Variants in NSUN7 observed in about 807,000 individuals in gnomAD.
The protein encoded by NSUN7 is NOP2/Sun RNA methyltransferase family member 7, also known as protein NSUN7.
A neutral mutation model predicts 58.5 loss-of-function variants in NSUN7; 39 were observed. The ratio of observed to expected loss-of-function variants is 0.67; its 90% CI spans 0.52 to 0.87. The LOEUF (loss-of-function observed/expected upper bound fraction) is 0.87. Ranked by LOEUF, NSUN7 falls within the 40% of genes least tolerant of loss-of-function variation. The pLI, the probability that NSUN7 is intolerant of heterozygous loss-of-function variation, is 0.00. For missense variants in NSUN7, 765 were observed against 844.1 expected (o/e 0.91, Z 1.16); for synonymous variants, 278 against 303.7 (o/e 0.92, Z 0.88).
intron 7 of NSUN7, among the ~76,000 whole-genome samples, chr4:40,785,311 C>A (rs1742758193): frequency 6.6e-6 from 1 of 151,426 alleles, no homozygotes; most frequent in African/African-American, 2.4e-5. Flanking sequence ...TGGAATCAAG[C>A]AAGAAATCAG....
Position 40,764,395 on chromosome 4 carries a change from C to T in NSUN7, c.488+3094C>T, listed in dbSNP as rs1741611422. On this transcript the variant is annotated intron_variant, in intron 4 of 11. Transcript: ENST00000381782. ...ATTTCCAATTTCATCCATGTCCCTA[C>T]AAAGAACATGAACTCATCATTTTTT... Among the ~76,000 whole-genome samples, 3 of 151,890 alleles carry T rather than the reference C, an allele frequency of 2.0e-5. No homozygotes were observed. The South Asian group carries it at 6.2e-4, about 32-fold the overall frequency.
At chr4:40,757,607 T>TAC (rs530766216) in intron 2 of NSUN7, among the ~76,000 whole-genome samples, 2 of 145,656 alleles carry the variant, frequency 1.4e-5, no homozygotes, top group Non-Finnish European at 1.5e-5. Context: ...TGTATATATA[T>TAC]ACATTGTGTG....
At chr4:40,791,337 A>G (rs1743065254) in intron 8 of NSUN7, among the ~76,000 whole-genome samples, 1 of 152,196 alleles carries the variant, frequency 6.6e-6, no homozygotes, top group Admixed American at 6.5e-5. Flanking sequence ...ATTTAACATT[A>G]ACATTTATTG....
At chr4:40,807,468 C>T (rs1011647395) in intron 11 of NSUN7, among the ~76,000 whole-genome samples, 12 of 151,860 alleles carry the variant, frequency 7.9e-5, no homozygotes, top group Middle Eastern at 3.2e-3. Flanking sequence ...CTGACTCAGC[C>T]TCAACCTAGT....
chr4:40,760,744 C>G (rs1741414910), intron 3 of NSUN7, among the ~76,000 whole-genome samples: 1 of 151,632 alleles, frequency 6.6e-6, no homozygotes, highest in South Asian at 2.1e-4. Flanking sequence ...GCCTGTAATC[C>G]CAGCTACTTG....
intron 7 of NSUN7, among the ~76,000 whole-genome samples, chr4:40,783,060 T>C (rs1445092376): frequency 2.0e-5 from 3 of 152,118 alleles, no homozygotes; most frequent in Non-Finnish European, 4.4e-5. Flanking sequence ...CCAGAATAGC[T>C]AAATGAGTCA....
intron 7 of NSUN7, among the ~76,000 whole-genome samples, chr4:40,776,761 T>C (rs1275404239): frequency 6.6e-5 from 10 of 152,006 alleles, no homozygotes. Context: ...GACTACAGGC[T>C]CATGCCACTA....
Position 40,808,856 on chromosome 4 carries a change from A to ACAC in NSUN7, c.2075_2077dup (p.Thr692_His693insPro). On this transcript the variant is annotated inframe_insertion, in exon 12 of 12. Transcript: ENST00000381782. ...GGCACTTGTGCCCACCTGCCTTCCC[A>ACAC]CACACTCACTATCCAGAAAAGAGGA... is the stretch of plus-strand genomic sequence containing the variant. The ACAC allele has an allele frequency of 1.3e-6, 2 of 1,548,712 alleles. No homozygotes were observed. Among genetic ancestry groups the ACAC allele is most frequent in the South Asian group, 2.4e-5 (2 of 83,960 alleles).
At chr4:40,766,505 C>T (rs1320843279) in intron 4 of NSUN7, among the ~76,000 whole-genome samples, 67 of 152,088 alleles carry the variant, frequency 4.4e-4, no homozygotes, top group African/African-American at 1.3e-3. Context: ...TGAGGATTTT[C>T]GCATCAATGT....
chr4:40,752,930 C>A (rs528323248), intron 2 of NSUN7, among the ~76,000 whole-genome samples: 84 of 103,686 alleles, frequency 8.1e-4, no homozygotes, highest in Middle Eastern at 6.0e-3. Flanking sequence ...TTTATTTCAT[C>A]CATCTTCTTC....
Position 40,799,073 on chromosome 4 carries a change from C to CTTTTTTTTTTTTTTT in NSUN7, c.1400+184_1400+198dup, listed in dbSNP as rs761448412. On this transcript the variant is annotated intron_variant, in intron 10 of 11. Coordinates refer to ENST00000381782, the MANE Select transcript of NSUN7 (RefSeq NM_024677.6). ...AACCAAGATTCCATAGGGCCTTTTT[C>CTTTTTTTTTTTTTTT]TTTTTTTTTTTTTTTTTTTTTTTTT... 4.9e-4 allele frequency among the ~76,000 whole-genome samples: 37 copies of CTTTTTTTTTTTTTTT among 76,216 alleles called. 7 individuals are homozygous for CTTTTTTTTTTTTTTT. Among genetic ancestry groups the CTTTTTTTTTTTTTTT allele is most frequent in the African/African-American group, 1.7e-3 (34 of 20,144 alleles). The allele number at this position is 76,216 out of a possible 152,430, so 50.0% of individuals were successfully genotyped here. A position where few individuals can be genotyped will look rare whatever the true frequency, so the allele number is the denominator to read the frequency against.
At chr4:40,757,100 G>A (rs1369911210) in intron 2 of NSUN7, among the ~76,000 whole-genome samples, 1 of 152,128 alleles carries the variant, frequency 6.6e-6, no homozygotes, top group African/African-American at 2.4e-5. Flanking sequence ...ATGGTGGTGG[G>A]TGCCTGTAGT....
In NSUN7 at chr4:40,811,068, T is replaced by C. The variant is rs1414559369; in HGVS notation, c.*2129T>C. On this transcript the variant is annotated 3_prime_UTR_variant, in exon 12 of 12. Coordinates refer to ENST00000381782, the MANE Select transcript of NSUN7 (RefSeq NM_024677.6). ...ATTTTCTGATCTCTACAGTAGCATG[T>C]GAAGTCACAATTTGTTGCCACTTAC... 6.6e-6 allele frequency: 1 copy of C among 152,242 alleles called. No homozygotes were observed. The highest frequency in any genetic ancestry group is 2.4e-5 in the African/African-American group (1 of 41,450). 9.4% of individuals were successfully genotyped at this position (152,242 alleles called of 1,614,324 possible). A position where few individuals can be genotyped will look rare whatever the true frequency, so the allele number is the denominator to read the frequency against.
intron 2 of NSUN7, among the ~76,000 whole-genome samples, chr4:40,753,391 C>T (rs1740935720): frequency 6.6e-6 from 1 of 151,882 alleles, no homozygotes; most frequent in South Asian, 2.1e-4. Flanking sequence ...CTTCTCTGCC[C>T]CAGTCTCCCA....
chr4:40,791,228 C>A (rs1483939968), intron 8 of NSUN7, among the ~76,000 whole-genome samples: 4 of 152,150 alleles, frequency 2.6e-5, no homozygotes, highest in Non-Finnish European at 4.4e-5. Context: ...GTGTCTTAAT[C>A]GCTAGGATGT....
In NSUN7 at chr4:40,750,588, C is replaced by A; in HGVS notation, c.-91-15C>A. ...AGAAAGAGTGATTTACTGCAATCAC[C>A]TTCTCTCTTCACAGAGACCATGCTG... On this transcript the variant is annotated splice_polypyrimidine_tract_variant and intron_variant, in intron 1 of 11. Transcript: ENST00000381782. The A allele has an allele frequency of 7.4e-7, 1 of 1,348,606 alleles. No individual in the cohort carries two copies. The highest frequency in any genetic ancestry group is 2.1e-5 in the Admixed American group (1 of 47,716). The allele number at this position is 1,348,606 out of a possible 1,614,324, so 83.5% of individuals were successfully genotyped here.
At chr4:40,799,073 CTTTTTTTTTTT>C (rs761448412) in intron 10 of NSUN7, among the ~76,000 whole-genome samples, 169 bp downstream of exon 10, 4 of 76,246 alleles carry the variant, frequency 5.2e-5, no homozygotes, top group Admixed American at 1.7e-4. Flanking sequence ...GGGCCTTTTT[CTTTTTTTTTTT>C]TTTTTTTTTT....
rs532557788 is a variant in NSUN7 at position 40,809,699 on chromosome 4, C to A, written c.*760C>A. ...AAGAGGCAAAACTGTTGAATGCAAG[C>A]GATACCTATTGTTGAAGAAACCCAC... On this transcript the variant is annotated 3_prime_UTR_variant, in exon 12 of 12. Coordinates refer to ENST00000381782, the MANE Select transcript of NSUN7 (RefSeq NM_024677.6). 2 of 150,758 alleles carry A rather than the reference C, an allele frequency of 1.3e-5. No individual in the cohort carries two copies. The highest frequency in any genetic ancestry group is 3.0e-5 in the Non-Finnish European group (2 of 67,334). The allele number at this position is 150,758 out of a possible 1,614,324, so 9.3% of individuals were successfully genotyped here.
At chr4:40,772,466 A>G (rs112231058) in intron 4 of NSUN7, among the ~76,000 whole-genome samples, 13 of 152,292 alleles carry the variant, frequency 8.5e-5, no homozygotes, top group Admixed American at 2.6e-4. Context: ...ACAGAATTAG[A>G]CAAATCTAAT....
Sources: allele counts gnomAD v4.1 joint callset (sites outside exome capture counted in the v4.1 genomes callset), GRCh38; gene constraint gnomAD v4.1.1; transcripts MANE v1.5; gene names NCBI Gene and HGNC (gene_info 2026-07-23, HGNC 2026-07-21).